Variants in ABCG1 observed in about 807,000 individuals in gnomAD.
ABCG1 encodes ATP binding cassette subfamily G member 1, also known as ATP-binding cassette sub-family G member 1.
Under a neutral mutation model 69.2 loss-of-function variants are expected in ABCG1, and 29 were observed. That is an observed-to-expected ratio of 0.42 (90% confidence interval 0.31 to 0.57). The LOEUF (loss-of-function observed/expected upper bound fraction) is 0.57, where lower values mean the gene tolerates loss of function less well. Ranked by LOEUF, ABCG1 falls within the 20% of genes least tolerant of loss-of-function variation. The pLI is 0.15. For missense variants in ABCG1, 718 were observed against 898.1 expected, an observed-to-expected ratio of 0.80 and a Z score of 2.56; for synonymous variants, 370 against 374.8, an observed-to-expected ratio of 0.99 and a Z score of 0.15.
chr21:42,279,905 G>T (rs225407), intron 5 of ABCG1, among the ~76,000 whole-genome samples: 18,695 of 152,266 alleles, frequency 0.12, 1,437 homozygotes, highest in African/African-American at 0.2. Flanking sequence ...GTGTGTCCTC[G>T]TGGTGCCTGG....
At chr21:42,286,731 G>A (rs915602406) in intron 8 of ABCG1, among the ~76,000 whole-genome samples, 10 of 152,358 alleles carry the variant, frequency 6.6e-5, no homozygotes, top group Non-Finnish European at 1.3e-4. Context: ...AACCTGGAGG[G>A]AAGGGCGGGC....
chr21:42,208,667 G>T (rs2067562527), intron 2 of ABCG1, among the ~76,000 whole-genome samples: 1 of 152,208 alleles, frequency 6.6e-6, no homozygotes, highest in Non-Finnish European at 1.5e-5. Context: ...CCCTAAGGAG[G>T]TTACAAACCT....
At chr21:42,230,756 C>T (rs939249074) in intron 2 of ABCG1, among the ~76,000 whole-genome samples, 2 of 152,172 alleles carry the variant, frequency 1.3e-5, no homozygotes, top group South Asian at 2.1e-4. Context: ...CAGGAGATCC[C>T]GGCGGTTCCC....
In ABCG1 at chr21:42,276,715, G is replaced by T; in HGVS notation, c.538-180G>T. 2.4e-5 allele frequency: 15 copies of T among 636,072 alleles called. No individual in the cohort carries two copies. Among genetic ancestry groups the T allele is most frequent in the Non-Finnish European group, 5.5e-6 (2 of 361,012 alleles). The allele number at this position is 636,072 out of a possible 1,614,324, so 39.4% of individuals were successfully genotyped here. A position where few individuals can be genotyped will look rare whatever the true frequency, so the allele number is the denominator to read the frequency against. On this transcript the variant is annotated intron_variant, in intron 4 of 14. Coordinates refer to ENST00000398449, the MANE Select transcript of ABCG1 (RefSeq NM_016818.3). The surrounding 1 kb of genome is among the most constrained non-coding windows in gnomAD (Gnocchi z 5.3). ...ACCGTGACTAGTGGCACCGTGGCTAGCTGCACCGTGGCTAGCGGCATTGTG... is the reference window on the plus strand; with the variant it reads ...ACCGTGACTAGTGGCACCGTGGCTATCTGCACCGTGGCTAGCGGCATTGTG...
rs540783499 is a variant in ABCG1 at position 42,279,962 on chromosome 21, A to G, written c.589-2312A>G. ...GGATGAGAGCCTCCAGCTATTTTCA[A>G]CTGGGTTTACAAGGGCAAAAATATC... On this transcript the variant is annotated intron_variant, in intron 5 of 14. Transcript: ENST00000398449. 3.3e-5 allele frequency among the ~76,000 whole-genome samples: 5 copies of G among 152,308 alleles called. No individual in the cohort carries two copies. The South Asian group carries it at 8.3e-4, about 25-fold the overall frequency.
At chr21:42,204,812 A>ATTTTT (rs1304056916) in intron 2 of ABCG1, among the ~76,000 whole-genome samples, 1 of 152,184 alleles carries the variant, frequency 6.6e-6, no homozygotes, top group Non-Finnish European at 1.5e-5. Flanking sequence ...TCAGCCAATG[A>ATTTTT]TCAACTATAG....
intron 2 of ABCG1, among the ~76,000 whole-genome samples, chr21:42,252,507 G>C (rs373658860): frequency 1.4e-4 from 21 of 152,168 alleles, no homozygotes. Flanking sequence ...GGCAGCTGGG[G>C]CAGGTTAGGG....
chr21:42,274,455 T>C (rs1316790797), intron 4 of ABCG1, among the ~76,000 whole-genome samples: 1 of 150,172 alleles, frequency 6.7e-6, no homozygotes, highest in Non-Finnish European at 1.5e-5. Context: ...CCAAGTGCCA[T>C]GCATCTGGGT....
At chr21:42,238,847 C>T (rs1288646774) in intron 2 of ABCG1, among the ~76,000 whole-genome samples, 1 of 152,196 alleles carries the variant, frequency 6.6e-6, no homozygotes, top group African/African-American at 2.4e-5. Context: ...GTGGCAGCAG[C>T]TCTGGGGTTG....
intron 13 of ABCG1, among the ~76,000 whole-genome samples, chr21:42,293,425 A>T (rs1272109861): frequency 1.5e-4 from 21 of 142,576 alleles, no homozygotes; most frequent in Non-Finnish European, 2.7e-4. Flanking sequence ...CACATACCAC[A>T]CTACACACTA....
chr21:42,216,919 T>C (rs2067647096), upstream of ABCG1, among the ~76,000 whole-genome samples: 1 of 152,150 alleles, frequency 6.6e-6, no homozygotes, highest in Non-Finnish European at 1.5e-5. Flanking sequence ...TCCCACGTGG[T>C]GGGGATTTTG....
chr21:42,257,795 A>G (rs1162738701), intron 2 of ABCG1, among the ~76,000 whole-genome samples: 1 of 152,218 alleles, frequency 6.6e-6, no homozygotes, highest in African/African-American at 2.4e-5. Context: ...GGCCCATGCT[A>G]GAAAAGGCGT....
intron 3 of ABCG1, among the ~76,000 whole-genome samples, chr21:42,272,270 C>T (rs2044666478): frequency 6.6e-6 from 1 of 152,180 alleles, no homozygotes; most frequent in Non-Finnish European, 1.5e-5. Context: ...GTGGAGTATT[C>T]TTGCAGGGGT....
At position 42,296,187 on chromosome 21, in the gene ABCG1, T is replaced by C. The variant is rs1368624947; in HGVS notation, c.1796T>C (p.Leu599Pro). The C allele has an allele frequency of 1.9e-6, 3 of 1,613,848 alleles. No individual in the cohort carries two copies. Among genetic ancestry groups the C allele is most frequent in the Non-Finnish European group, 2.5e-6 (3 of 1,180,006 alleles). Residue 599 changes from leucine to proline, a missense_variant, in exon 15 of 15, where the codon CTC becomes CCC. Leu to Pro is a moderately conservative substitution (Grantham distance 98). This residue lies in a region of ABCG1 where 204 missense variants were observed against 323.8 expected (regional missense o/e 0.63). Coordinates refer to ENST00000398449, the MANE Select transcript of ABCG1 (RefSeq NM_016818.3). This position sits in a 1 kb window ranked among gnomAD's most constrained non-coding sequence, Gnocchi z 5.4. The part of the protein sequence containing the change: ...YVRYGFEGVI[L>P]SIYGLDREDL... ...AGGTATGGGTTCGAAGGGGTCATCC[T>C]CTCCATCTATGGCTTAGACCGGGAA... is the stretch of plus-strand genomic sequence containing the variant.
At chr21:42,269,711 G>A (rs1376709010) in intron 2 of ABCG1, among the ~76,000 whole-genome samples, 1 of 152,328 alleles carries the variant, frequency 6.6e-6, no homozygotes, top group Non-Finnish European at 1.5e-5. Context: ...GCGGCACCTG[G>A]TGGCAGGTTG....
intron 2 of ABCG1, among the ~76,000 whole-genome samples, chr21:42,233,185 A>G (rs1412108430): frequency 6.6e-6 from 1 of 152,192 alleles, no homozygotes; most frequent in East Asian, 1.9e-4. Context: ...CCACTTTGTC[A>G]GCTGTGTGCT....
At chr21:42,265,963 A>G (rs931528549) in intron 2 of ABCG1, among the ~76,000 whole-genome samples, 3 of 152,118 alleles carry the variant, frequency 2.0e-5, no homozygotes, top group African/African-American at 4.8e-5. Context: ...TTAAGCCTGG[A>G]TAAGTGGGCT....
At chr21:42,239,821 C>G (rs1360562817) in intron 2 of ABCG1, among the ~76,000 whole-genome samples, 2 of 152,256 alleles carry the variant, frequency 1.3e-5, no homozygotes, top group Non-Finnish European at 2.9e-5. Context: ...CTCATCTGCT[C>G]TGTGTCGTAG....
intron 5 of ABCG1, among the ~76,000 whole-genome samples, chr21:42,277,182 G>C (rs111977731): frequency 0.036 from 5,446 of 152,236 alleles, 237 homozygotes; most frequent in African/African-American, 0.098. Context: ...TTCAGGAGTC[G>C]GAATGTAATG....
Sources: gnomAD v4.1 joint callset for allele counts (sites outside exome capture counted in the v4.1 genomes callset) on GRCh38, gnomAD v4.1.1 for gene constraint, gnomAD v4.1.1 regional missense constraint, Gnocchi (gnomAD v3.1) non-coding constraint, MANE v1.5 for transcripts, NCBI Gene and HGNC (gene_info 2026-07-23, HGNC 2026-07-21) for gene names.